The following ZMAT4 variants were observed in gnomAD, a reference collection of about 807,000 sequenced individuals.
The protein encoded by ZMAT4 is zinc finger matrin-type protein 4.
A neutral mutation model predicts 28.7 loss-of-function variants in ZMAT4; 17 were observed. The ratio of observed to expected loss-of-function variants is 0.59; its 90% CI spans 0.41 to 0.89. The LOEUF is 0.89. Ranked by LOEUF, ZMAT4 falls within the 40% of genes least tolerant of loss-of-function variation. The probability of loss-of-function intolerance (pLI) is 0.00; values close to 1 mark genes in which losing one functional copy is unlikely to be tolerated. For synonymous variants in ZMAT4, 117 were observed against 109.2 expected, an observed-to-expected ratio of 1.07 and a Z score of -0.44; for missense variants, 240 against 283.8, an observed-to-expected ratio of 0.85 and a Z score of 1.11.
intron 6 of ZMAT4, among the ~76,000 whole-genome samples, chr8:40,542,885 A>G (rs1563332998): frequency 2.0e-5 from 3 of 152,210 alleles, no homozygotes; most frequent in Non-Finnish European, 4.4e-5. Flanking sequence ...CATCTATTCA[A>G]TGAAGAATTG....
intron 3 of ZMAT4, among the ~76,000 whole-genome samples, chr8:40,736,855 G>C (rs184829683): frequency 6.6e-6 from 1 of 152,120 alleles, no homozygotes; most frequent in Non-Finnish European, 1.5e-5. Flanking sequence ...CAGAGACGAG[G>C]TACTCATGGA....
At chr8:40,543,613 C>T (rs926595846) in intron 6 of ZMAT4, among the ~76,000 whole-genome samples, 2 of 152,176 alleles carry the variant, frequency 1.3e-5, no homozygotes, top group Non-Finnish European at 2.9e-5. Flanking sequence ...GATGACTTCA[C>T]CTCTATGAGC....
intron 2 of ZMAT4, among the ~76,000 whole-genome samples, chr8:40,787,120 T>C (rs908124647): frequency 2.0e-5 from 3 of 152,244 alleles, no homozygotes; most frequent in African/African-American, 7.2e-5. Context: ...GTATTCATTA[T>C]ATGGAGACTT....
At chr8:40,784,651 C>T (rs1813986526) in intron 2 of ZMAT4, among the ~76,000 whole-genome samples, 2 of 152,156 alleles carry the variant, frequency 1.3e-5, no homozygotes, top group South Asian at 4.1e-4. Flanking sequence ...AGAATCCATA[C>T]ATAGACCCTT....
chr8:40,545,215 C>T (rs972791602), intron 6 of ZMAT4, among the ~76,000 whole-genome samples: 1 of 152,018 alleles, frequency 6.6e-6, no homozygotes, highest in Non-Finnish European at 1.5e-5. Flanking sequence ...CTAGTTGAGC[C>T]TTAAGATGAT....
intron 5 of ZMAT4, among the ~76,000 whole-genome samples, chr8:40,626,387 T>C (rs1014264873): frequency 1.3e-5 from 2 of 152,138 alleles, no homozygotes; most frequent in East Asian, 1.9e-4. Context: ...GAATTCATGG[T>C]TCCACTCTCT....
At chr8:40,671,275 T>C (rs1194966115) in intron 5 of ZMAT4, among the ~76,000 whole-genome samples, 2 of 152,162 alleles carry the variant, frequency 1.3e-5, no homozygotes, top group East Asian at 3.9e-4. Flanking sequence ...GTTTCTTCTA[T>C]AGTTAAAAAT....
chr8:40,830,601 T>G (rs1187843655), intron 1 of ZMAT4, among the ~76,000 whole-genome samples: 1 of 152,246 alleles, frequency 6.6e-6, no homozygotes, highest in Non-Finnish European at 1.5e-5. Context: ...TTAAGTTAGC[T>G]GCATGACTTT....
chr8:40,706,470 G>C (rs1295246600), intron 3 of ZMAT4, among the ~76,000 whole-genome samples: 1 of 152,068 alleles, frequency 6.6e-6, no homozygotes, highest in Non-Finnish European at 1.5e-5. Context: ...AAGCTCAGAG[G>C]GTTTAAATAA....
intron 3 of ZMAT4, among the ~76,000 whole-genome samples, chr8:40,727,643 A>G (rs1811367816): frequency 6.6e-6 from 1 of 152,254 alleles, no homozygotes; most frequent in Non-Finnish European, 1.5e-5. Context: ...TTTCCTTATC[A>G]GAAGAATAAT....
chr8:40,826,396 A>T (rs766673285), intron 1 of ZMAT4, among the ~76,000 whole-genome samples: 4 of 152,180 alleles, frequency 2.6e-5, no homozygotes, highest in Non-Finnish European at 4.4e-5. Flanking sequence ...ACATTCCAGG[A>T]AATTATAACA....
chr8:40,576,735 G>A, intron 6 of ZMAT4, among the ~76,000 whole-genome samples: 1 of 152,104 alleles, frequency 6.6e-6, no homozygotes, highest in South Asian at 2.1e-4. Context: ...TCACTGGTGG[G>A]ACAGATAAAC....
At chr8:40,776,605 C>T (rs1813605283) in intron 2 of ZMAT4, among the ~76,000 whole-genome samples, 2 of 152,162 alleles carry the variant, frequency 1.3e-5, no homozygotes, top group Admixed American at 1.3e-4. Flanking sequence ...CTAGGCTTCT[C>T]TTTTGCAGTT....
chr8:40,761,203 G>A (rs1812922867), intron 3 of ZMAT4, among the ~76,000 whole-genome samples: 2 of 152,102 alleles, frequency 1.3e-5, no homozygotes, highest in South Asian at 4.1e-4. Flanking sequence ...CTATCCACAA[G>A]AGATCCAATT....
intron 5 of ZMAT4, among the ~76,000 whole-genome samples, chr8:40,636,569 G>A (rs1806799400): frequency 6.6e-6 from 1 of 152,188 alleles, no homozygotes; most frequent in Non-Finnish European, 1.5e-5. Flanking sequence ...TAGAAAAGGA[G>A]GATAATGTGC....
intron 5 of ZMAT4, among the ~76,000 whole-genome samples, chr8:40,589,379 T>C (rs1804776603): frequency 6.6e-6 from 1 of 152,178 alleles, no homozygotes; most frequent in Non-Finnish European, 1.5e-5. Context: ...GGACTAGAAG[T>C]AGAATCAAGG....
intron 3 of ZMAT4, among the ~76,000 whole-genome samples, chr8:40,708,573 CTCTCT>C (rs1179453613): frequency 1.1e-4 from 3 of 27,888 alleles, no homozygotes; most frequent in Non-Finnish European, 1.8e-4. Context: ...CACACTCTTT[CTCTCT>C]CTCTCTCTCT....
chr8:40,602,047 ATTGTATCATTCTTATGCCT>A (rs1225734204), intron 5 of ZMAT4, among the ~76,000 whole-genome samples: 1 of 152,092 alleles, frequency 6.6e-6, no homozygotes, highest in Non-Finnish European at 1.5e-5. Flanking sequence ...TCCAAAGTAC[ATTGTATCATTCTTATGCCT>A]TTGTGTCCTC....
At chr8:40,642,050 G>C (rs565361498) in intron 5 of ZMAT4, among the ~76,000 whole-genome samples, 1 of 152,062 alleles carries the variant, frequency 6.6e-6, no homozygotes, top group Non-Finnish European at 1.5e-5. Context: ...TGAAAAAGTT[G>C]GCAGGTCATT....
Sources: gnomAD v4.1 joint callset for allele counts (sites outside exome capture counted in the v4.1 genomes callset) on GRCh38, gnomAD v4.1.1 for gene constraint, MANE v1.5 for transcripts, NCBI Gene and HGNC (gene_info 2026-07-23, HGNC 2026-07-21) for gene names.